Variants in ARHGAP25 observed in about 807,000 individuals in gnomAD.
ARHGAP25 encodes rho GTPase-activating protein 25.
A neutral mutation model predicts 71.0 loss-of-function variants in ARHGAP25; 34 were observed. The ratio of observed to expected loss-of-function variants is 0.48; its 90% CI spans 0.36 to 0.64. The LOEUF is 0.64. Among genes scored for constraint, ARHGAP25 ranks in the 30% least tolerant of loss-of-function variants. The pLI is 0.00. For synonymous variants in ARHGAP25, 282 were observed against 296.5 expected (o/e 0.95, Z 0.50); for missense variants, 706 against 805.1 (o/e 0.88, Z 1.49).
chr2:68,771,816 T>C, intron 1 of ARHGAP25, among the ~76,000 whole-genome samples: 1 of 152,216 alleles, frequency 6.6e-6, no homozygotes, highest in Admixed American at 6.5e-5. Flanking sequence ...GGTGGGATGT[T>C]AACAGGCACT....
chr2:68,772,622 A>G (rs1466333732), intron 1 of ARHGAP25, among the ~76,000 whole-genome samples: 3 of 152,216 alleles, frequency 2.0e-5, no homozygotes, highest in Non-Finnish European at 2.9e-5. Flanking sequence ...GAGTCCTTGC[A>G]AGGTATAGTC....
chr2:68,745,291 A>G (rs1385696492), intron 1 of ARHGAP25, among the ~76,000 whole-genome samples: 1 of 151,870 alleles, frequency 6.6e-6, no homozygotes, highest in African/African-American at 2.4e-5. Context: ...CAATTGTACC[A>G]CCTCTGAAAT....
At chr2:68,825,756 G>A (rs1219295787) in intron 10 of ARHGAP25, among the ~76,000 whole-genome samples, 1 of 152,026 alleles carries the variant, frequency 6.6e-6, no homozygotes, top group African/African-American at 2.4e-5. Context: ...TCCAGCCTGG[G>A]CAACAGAGCG....
intron 3 of ARHGAP25, among the ~76,000 whole-genome samples, chr2:68,784,842 G>C (rs894615163): frequency 4.6e-5 from 7 of 152,210 alleles, no homozygotes; most frequent in African/African-American, 1.7e-4. Context: ...TTTTCTGATA[G>C]GATAGCAATT....
intron 4 of ARHGAP25, among the ~76,000 whole-genome samples, chr2:68,795,449 A>T (rs1224989149): frequency 6.6e-6 from 1 of 152,054 alleles, no homozygotes; most frequent in Non-Finnish European, 1.5e-5. Flanking sequence ...GTAGCCTACA[A>T]GTTTTGGTAT....
In ARHGAP25 at chr2:68,804,948, A is replaced by C. The variant is rs142629499; in HGVS notation, c.467-2325A>C. Among the ~76,000 whole-genome samples, 72 of 152,340 alleles carry C rather than the reference A, an allele frequency of 4.7e-4. 1 individual carries two copies. Among genetic ancestry groups the C allele is most frequent in the African/African-American group, 1.5e-3 (64 of 41,584 alleles). On this transcript the variant is annotated intron_variant, in intron 4 of 10. Coordinates refer to ENST00000409202, the MANE Select transcript of ARHGAP25 (RefSeq NM_001007231.3). ...GGGAGCTTACAATCATGCAGATGACACAGGTACATACAAATCATGATCACA... is the reference window on the plus strand; with the variant it reads ...GGGAGCTTACAATCATGCAGATGACCCAGGTACATACAAATCATGATCACA...
chr2:68,816,132 C>CTTT, intron 6 of ARHGAP25, 157 bp from the exon 7 acceptor site: 1 of 667,544 alleles, frequency 1.5e-6, no homozygotes, highest in Non-Finnish European at 2.7e-6. Flanking sequence ...AGTTATTTCC[C>CTTT]TTTTTTTTTT....
intron 4 of ARHGAP25, among the ~76,000 whole-genome samples, chr2:68,805,062 C>A (rs144255551): frequency 6.6e-6 from 1 of 152,162 alleles, no homozygotes; most frequent in East Asian, 1.9e-4. Flanking sequence ...GAAGGCATGG[C>A]AGATATGATG....
chr2:68,790,677 A>G lies in ARHGAP25; in HGVS notation c.466+2721A>G, dbSNP rs549659586. Reference sequence around the variant, plus strand: ...ACCTTCACTACTACCACCCCAAAGGAGATGGAATCCTTTCTTGTCAAATTA... The same window carrying G: ...ACCTTCACTACTACCACCCCAAAGGGGATGGAATCCTTTCTTGTCAAATTA... On this transcript the variant is annotated intron_variant, in intron 4 of 10. Coordinates refer to ENST00000409202, the MANE Select transcript of ARHGAP25 (RefSeq NM_001007231.3). 2.0e-5 allele frequency among the ~76,000 whole-genome samples: 3 copies of G among 152,240 alleles called. No homozygotes were observed. In the South Asian group the frequency reaches 6.2e-4, roughly 32 times the overall value.
chr2:68,815,406 G>A (rs1681126900), intron 6 of ARHGAP25, among the ~76,000 whole-genome samples: 1 of 101,972 alleles, frequency 9.8e-6, no homozygotes, highest in Non-Finnish European at 2.1e-5. Context: ...TCAGGTTTGA[G>A]GAGTGCCTGC....
chr2:68,809,650 C>CTATAAAAGGAA (rs1680634165), intron 5 of ARHGAP25, among the ~76,000 whole-genome samples: 3 of 152,066 alleles, frequency 2.0e-5, no homozygotes, highest in African/African-American at 7.2e-5. Context: ...CTTTTTCTGC[C>CTATAAAAGGAA]TCCTATAAAA....
chr2:68,816,634 A>C (rs948385990), intron 7 of ARHGAP25: 42 of 370,210 alleles, frequency 1.1e-4, no homozygotes, highest in Admixed American at 4.3e-5. Flanking sequence ...CAGAATCCTT[A>C]TAATGTTTCT....
chr2:68,750,978 T>C (rs1676136213), intron 1 of ARHGAP25, among the ~76,000 whole-genome samples: 1 of 152,228 alleles, frequency 6.6e-6, no homozygotes, highest in Non-Finnish European at 1.5e-5. Flanking sequence ...CAATACATCC[T>C]TTCTCTCCCA....
chr2:68,774,932 G>T (rs1444030523), intron 1 of ARHGAP25: 1 of 1,405,064 alleles, frequency 7.1e-7, no homozygotes, highest in Non-Finnish European at 9.2e-7. Context: ...CCAACCTTTC[G>T]GTTTGCAGAA....
rs951748685 is a variant in ARHGAP25 at position 68,744,102 on chromosome 2, T to A, written c.61+8842T>A. Among the ~76,000 whole-genome samples the A allele has an allele frequency of 4.6e-5, 7 of 152,296 alleles. No individual in the cohort carries two copies. In the East Asian group the frequency reaches 1.4e-3, roughly 29 times the overall value. On this transcript the variant is annotated intron_variant, in intron 1 of 10. Coordinates refer to ENST00000409202, the MANE Select transcript of ARHGAP25 (RefSeq NM_001007231.3). The stretch of plus-strand genomic sequence containing the variant: ...GCTTCCTCCATCTGTTTTTATGAAA[T>A]CTTTTAGTCTTGCTCACATTTTCTC...
At chr2:68,744,963 A>G (rs927896957) in intron 1 of ARHGAP25, among the ~76,000 whole-genome samples, 4 of 152,350 alleles carry the variant, frequency 2.6e-5, no homozygotes, top group Admixed American at 1.3e-4. Flanking sequence ...CAGATAAAAA[A>G]TAAGATTCCA....
At chr2:68,747,271 T>C (rs902781646) in intron 1 of ARHGAP25, among the ~76,000 whole-genome samples, 9 of 152,146 alleles carry the variant, frequency 5.9e-5, no homozygotes, top group Non-Finnish European at 1.3e-4. Context: ...TTTCATGAAG[T>C]CTCCTTCTCT....
Position 68,810,731 on chromosome 2 carries a change from C to CT in ARHGAP25, c.675-2535dup, listed in dbSNP as rs539849992. Among the ~76,000 whole-genome samples the CT allele has an allele frequency of 9.4e-4, 70 of 74,352 alleles. 2 individuals carry two copies. Among genetic ancestry groups the CT allele is most frequent in the South Asian group, 2.8e-3 (8 of 2,892 alleles). The allele number at this position is 74,352 out of a possible 152,430, so 48.8% of individuals were successfully genotyped here. A position where few individuals can be genotyped will look rare whatever the true frequency, so the allele number is the denominator to read the frequency against. On this transcript the variant is annotated intron_variant, in intron 5 of 10. Coordinates refer to ENST00000409202, the MANE Select transcript of ARHGAP25 (RefSeq NM_001007231.3). ...GATCCAATTTCTTTTCTTTTCTTCT[C>CT]TTTTTTTTTTTTTTTTTTTTTGAGA...
At chr2:68,809,328 G>T (rs1022650331) in intron 5 of ARHGAP25, among the ~76,000 whole-genome samples, 1 of 152,150 alleles carries the variant, frequency 6.6e-6, no homozygotes, top group Non-Finnish European at 1.5e-5. Flanking sequence ...GGGAAAGGAG[G>T]GGAGGGGCTT....
Sources: allele counts gnomAD v4.1 joint callset (sites outside exome capture counted in the v4.1 genomes callset), GRCh38; gene constraint gnomAD v4.1.1; transcripts MANE v1.5; gene names NCBI Gene and HGNC (gene_info 2026-07-23, HGNC 2026-07-21).